FAM184B: variants seen among roughly 807,000 people sequenced by gnomAD.
FAM184B encodes the protein family with sequence similarity 184 member B.
FAM184B carries 111 observed loss-of-function variants against 135.9 expected under a neutral mutation model. That is an observed-to-expected ratio of 0.82 (90% CI 0.70 to 0.96). FAM184B has a LOEUF of 0.96. Ranked by LOEUF, FAM184B falls within the 40% of genes least tolerant of loss-of-function variation. The pLI, the probability that FAM184B is intolerant of heterozygous loss-of-function variation, is 0.00. For synonymous variants in FAM184B, 552 were observed against 524.8 expected (o/e 1.05, Z -0.71); for missense variants, 1,375 against 1,323.9 (o/e 1.04, Z -0.60).
intron 1 of FAM184B, among the ~76,000 whole-genome samples, chr4:17,731,094 A>G (rs1267878798): frequency 6.6e-6 from 1 of 152,208 alleles, no homozygotes; most frequent in African/African-American, 2.4e-5. Context: ...TAAGTGAAGG[A>G]GAAATAAAAT....
chr4:17,730,533 C>T (rs974732314), intron 1 of FAM184B, among the ~76,000 whole-genome samples: 4 of 152,132 alleles, frequency 2.6e-5, no homozygotes, highest in Non-Finnish European at 5.9e-5. Flanking sequence ...AGGTTACCCA[C>T]AAAGGGAAGC....
intron 8 of FAM184B, among the ~76,000 whole-genome samples, chr4:17,662,260 G>A (rs888615833): frequency 3.9e-5 from 6 of 152,088 alleles, no homozygotes; most frequent in African/African-American, 1.4e-4. Context: ...ATAGACATTT[G>A]GATTGTTTAC....
At chr4:17,737,016 G>T (rs1377371932) in intron 1 of FAM184B, among the ~76,000 whole-genome samples, 1 of 152,080 alleles carries the variant, frequency 6.6e-6, no homozygotes, top group Non-Finnish European at 1.5e-5. Flanking sequence ...ATGGTGGCAG[G>T]CACCTGTAAT....
At chr4:17,711,461 C>G (rs1263456099) in intron 1 of FAM184B, among the ~76,000 whole-genome samples, 2 of 151,704 alleles carry the variant, frequency 1.3e-5, no homozygotes, top group Non-Finnish European at 2.9e-5. Flanking sequence ...TTGGCCAATA[C>G]AGCAAGACTC....
At chr4:17,711,486 T>TAAAACA (rs1303850698) in intron 1 of FAM184B, among the ~76,000 whole-genome samples, 1 of 147,244 alleles carries the variant, frequency 6.8e-6, no homozygotes, top group Non-Finnish European at 1.5e-5. Flanking sequence ...TCAAAAAAAA[T>TAAAACA]AAAACAAAAA....
At chr4:17,651,187 A>T (rs1351121989) in intron 11 of FAM184B, among the ~76,000 whole-genome samples, 1 of 152,196 alleles carries the variant, frequency 6.6e-6, no homozygotes, top group Non-Finnish European at 1.5e-5. Flanking sequence ...AAAATGAGGG[A>T]CAGGGATGAT....
chr4:17,632,483 A>G lies in FAM184B; in HGVS notation c.*49T>C. ...GTTCATTCCTTCAATCGGATGATTT[A>G]AAATAAATGTTTTTCAAGTATCCTC... On this transcript the variant is annotated 3_prime_UTR_variant, in exon 18 of 18. Transcript: ENST00000265018. 2.9e-6 allele frequency: 4 copies of G among 1,399,664 alleles called. No homozygotes were observed. The South Asian group carries it at 5.1e-5, about 18-fold the overall frequency. 86.7% of individuals were successfully genotyped at this position (1,399,664 alleles called of 1,614,324 possible).
chr4:17,738,073 T>G (rs1181407392), intron 1 of FAM184B, among the ~76,000 whole-genome samples: 2 of 152,182 alleles, frequency 1.3e-5, no homozygotes, highest in Non-Finnish European at 2.9e-5. Context: ...GTCACAGGGA[T>G]GAGCAGGTAT....
intron 5 of FAM184B, among the ~76,000 whole-genome samples, chr4:17,704,061 A>G (rs924865347): frequency 6.6e-6 from 1 of 152,172 alleles, no homozygotes; most frequent in African/African-American, 2.4e-5. Context: ...TCACCAGTTC[A>G]TTTAACACAT....
chr4:17,711,343 G>A (rs1414586625), intron 1 of FAM184B, among the ~76,000 whole-genome samples: 1 of 151,960 alleles, frequency 6.6e-6, no homozygotes, highest in Admixed American at 6.6e-5. Flanking sequence ...GCCGGGCGTG[G>A]GGTGGGTGCC....
At chr4:17,671,825 AAACACAAT>A (rs954186456) in intron 7 of FAM184B, among the ~76,000 whole-genome samples, 25 of 151,940 alleles carry the variant, frequency 1.6e-4, no homozygotes, top group African/African-American at 6.0e-4. Context: ...ATGGACCTGA[AAACACAAT>A]AACACAATAA....
At chr4:17,702,699 A>G (rs1038781160) in intron 5 of FAM184B, among the ~76,000 whole-genome samples, 1 of 152,238 alleles carries the variant, frequency 6.6e-6, no homozygotes, top group Non-Finnish European at 1.5e-5. Flanking sequence ...AGTGCAACTT[A>G]TTGTGACATG....
intron 2 of FAM184B, 58 bp from the exon 3 acceptor site, chr4:17,707,842 G>A: frequency 1.3e-6 from 2 of 1,540,584 alleles, no homozygotes; most frequent in South Asian, 2.4e-5. Flanking sequence ...GAGACATCCT[G>A]TGTACACAGA....
chr4:17,643,823 G>T (rs1450487723), intron 12 of FAM184B, among the ~76,000 whole-genome samples: 3 of 152,210 alleles, frequency 2.0e-5, no homozygotes, highest in Non-Finnish European at 2.9e-5. Context: ...CCCTGCTGAG[G>T]GCTGGGAGTG....
rs557568984 is a variant in FAM184B at position 17,641,944 on chromosome 4, G to A, written c.2519+112C>T. 7.1e-6 allele frequency: 10 copies of A among 1,400,158 alleles called. 1 individual carries two copies. In the South Asian group the frequency reaches 1.0e-4, roughly 14 times the overall value. The allele number at this position is 1,400,158 out of a possible 1,614,324, so 86.7% of individuals were successfully genotyped here. A position where few individuals can be genotyped will look rare whatever the true frequency, so the allele number is the denominator to read the frequency against. ...CTAGTGTCTTGTGGGGCAGGATGCC[G>A]AGGCAGTGACCCATTTCAGGTCTCA... On this transcript the variant is annotated intron_variant, in intron 13 of 17. Coordinates refer to ENST00000265018, the MANE Select transcript of FAM184B (RefSeq NM_015688.2).
At chr4:17,765,639 T>C (rs558651792) in intron 1 of FAM184B, among the ~76,000 whole-genome samples, 10 of 152,362 alleles carry the variant, frequency 6.6e-5, no homozygotes, top group Admixed American at 3.3e-4. Context: ...ACCCTCTCTC[T>C]GCTGACACTG....
intron 7 of FAM184B, among the ~76,000 whole-genome samples, chr4:17,680,298 G>A (rs1044063505): frequency 1.8e-4 from 28 of 152,030 alleles, no homozygotes; most frequent in African/African-American, 6.8e-4. Context: ...ATCTTTTTCA[G>A]TTTTGTTTGT....
At chr4:17,673,812 A>C (rs954130579) in intron 7 of FAM184B, among the ~76,000 whole-genome samples, 1 of 140,558 alleles carries the variant, frequency 7.1e-6, no homozygotes, top group African/African-American at 2.6e-5. Context: ...AACTGAGTGC[A>C]GTGTATATTG....
intron 1 of FAM184B, among the ~76,000 whole-genome samples, chr4:17,765,967 GTTATTCAT>G (rs1173027419): frequency 3.3e-5 from 5 of 152,024 alleles, no homozygotes; most frequent in Non-Finnish European, 7.4e-5. Context: ...TCTGTCCGGG[GTTATTCAT>G]TCCCCCCGGC....
Sources: allele counts gnomAD v4.1 joint callset (sites outside exome capture counted in the v4.1 genomes callset), GRCh38; gene constraint gnomAD v4.1.1; transcripts MANE v1.5; gene names NCBI Gene and HGNC (gene_info 2026-07-23, HGNC 2026-07-21).